The following NRXN1 variants were observed in gnomAD, a reference collection of about 807,000 sequenced individuals.
NRXN1 encodes neurexin-1.
NRXN1 carries 39 observed loss-of-function variants against 150.9 expected under a neutral mutation model. The observed-to-expected ratio is 0.26, with a 90% confidence interval of 0.20 to 0.34. The LOEUF is 0.34. Ranked by LOEUF, NRXN1 falls within the 10% of genes least tolerant of loss-of-function variation. The probability of loss-of-function intolerance (pLI) is 1.00; values close to 1 mark genes in which losing one functional copy is unlikely to be tolerated. For synonymous variants in NRXN1, 924 were observed against 757.0 expected (o/e 1.22, Z -3.62); for missense variants, 1,815 against 1,949.9 (o/e 0.93, Z 1.30).
At chr2:50,986,002 G>A (rs1697640425) in intron 2 of NRXN1, among the ~76,000 whole-genome samples, 2 of 151,536 alleles carry the variant, frequency 1.3e-5, no homozygotes, top group Non-Finnish European at 3.0e-5. Flanking sequence ...ATGAACAAAA[G>A]TGACCAATAA....
Position 50,753,514 on chromosome 2 carries a change from G to A in NRXN1, c.833-129899C>T, listed in dbSNP as rs539578307. 1.8e-4 allele frequency among the ~76,000 whole-genome samples: 28 copies of A among 151,950 alleles called. 1 individual carries two copies. In the South Asian group the frequency reaches 5.4e-3, roughly 29 times the overall value. Reference sequence around the variant, plus strand: ...ATGCACGGTTGATTTTCAGTATGGAGTCTGGCAGGAAAACCTCAGGGACTC... The same window carrying A: ...ATGCACGGTTGATTTTCAGTATGGAATCTGGCAGGAAAACCTCAGGGACTC... On this transcript the variant is annotated intron_variant, in intron 5 of 22. Transcript: ENST00000401669.
At chr2:50,199,458 G>A (rs2062004429) in intron 18 of NRXN1, among the ~76,000 whole-genome samples, 1 of 151,732 alleles carries the variant, frequency 6.6e-6, no homozygotes, top group South Asian at 2.1e-4. Flanking sequence ...GTTTACACAA[G>A]AAACTAAAAC....
At chr2:49,984,051 C>T (rs1377471244) in intron 21 of NRXN1, among the ~76,000 whole-genome samples, 3 of 151,950 alleles carry the variant, frequency 2.0e-5, no homozygotes, top group African/African-American at 7.3e-5. Context: ...CCTGTAGTCT[C>T]AGCTACTCAG....
intron 17 of NRXN1, among the ~76,000 whole-genome samples, chr2:50,439,284 G>A (rs1435976312): frequency 6.6e-6 from 1 of 152,186 alleles, no homozygotes; most frequent in Non-Finnish European, 1.5e-5. Flanking sequence ...GTCACATACA[G>A]TAAGCATAAG....
At chr2:50,538,186 GT>G in intron 10 of NRXN1, 66 bp downstream of exon 10, 1 of 1,542,314 alleles carries the variant, frequency 6.5e-7, no homozygotes, top group Non-Finnish European at 8.8e-7. Context: ...GTCAGTGCAG[GT>G]TTGAGGTCAA....
chr2:50,701,653 T>C (rs1022894726), intron 5 of NRXN1, among the ~76,000 whole-genome samples: 14 of 152,162 alleles, frequency 9.2e-5, no homozygotes, highest in African/African-American at 3.4e-4. Flanking sequence ...ATCTTAGAAT[T>C]CATTTAATCT....
At chr2:50,017,805 A>G (rs974428277) in intron 21 of NRXN1, among the ~76,000 whole-genome samples, 8 of 152,126 alleles carry the variant, frequency 5.3e-5, no homozygotes, top group Admixed American at 3.3e-4. Context: ...AATGATAGGA[A>G]CTACATTTTA....
intron 8 of NRXN1, among the ~76,000 whole-genome samples, chr2:50,566,775 A>T (rs1256355283): frequency 6.6e-6 from 1 of 152,144 alleles, no homozygotes; most frequent in African/African-American, 2.4e-5. Context: ...ATCTAGCTTG[A>T]TTCCAAAATC....
In NRXN1 at chr2:50,961,963, TTAAAAAAAAAAGA is replaced by T. The variant is rs1693264880; in HGVS notation, c.773-36021_773-36009del. Among the ~76,000 whole-genome samples, 16 of 105,092 alleles carry T rather than the reference TTAAAAAAAAAAGA, an allele frequency of 1.5e-4. 1 individual carries two copies. In the Admixed American group the frequency reaches 1.5e-3, roughly 10 times the overall value. The allele number at this position is 105,092 out of a possible 152,430, so 68.9% of individuals were successfully genotyped here. On this transcript the variant is annotated intron_variant, in intron 2 of 22. Coordinates refer to ENST00000401669, the MANE Select transcript of NRXN1 (RefSeq NM_001330078.2). ...ATAATTTCTGGACTAGGCCTGCTAG[TTAAAAAAAAAAGA>T]AGAAGAAAAATTTAAATAAAAAACT...
intron 17 of NRXN1, among the ~76,000 whole-genome samples, chr2:50,439,533 G>A (rs1197618738): frequency 3.9e-5 from 6 of 152,126 alleles, no homozygotes; most frequent in African/African-American, 7.2e-5. Context: ...AAGGCCGGGC[G>A]CGGTGGCTCA....
chr2:49,962,390 T>C (rs1480836835), intron 21 of NRXN1, among the ~76,000 whole-genome samples: 1 of 152,236 alleles, frequency 6.6e-6, no homozygotes, highest in Non-Finnish European at 1.5e-5. Context: ...AATGACTCTG[T>C]AAAAGTTTTG....
intron 18 of NRXN1, among the ~76,000 whole-genome samples, chr2:50,169,614 G>A (rs1255241209): frequency 6.6e-6 from 1 of 151,326 alleles, no homozygotes; most frequent in African/African-American, 2.4e-5. Flanking sequence ...TCGGGAGGCT[G>A]AGGAAGGAGA....
intron 18 of NRXN1, among the ~76,000 whole-genome samples, chr2:50,133,114 G>C (rs1482053130): frequency 2.6e-5 from 4 of 152,196 alleles, no homozygotes; most frequent in Non-Finnish European, 4.4e-5. Context: ...TAATTTAGTA[G>C]TCAGGTGTCA....
Position 50,495,267 on chromosome 2 carries a change from G to T in NRXN1, c.3070+638C>A, listed in dbSNP as rs144011015. Among the ~76,000 whole-genome samples the T allele has an allele frequency of 5.5e-3, 835 of 152,042 alleles. 9 individuals are homozygous for T. Among genetic ancestry groups the T allele is most frequent in the African/African-American group, 0.019 (791 of 41,460 alleles). ...ATGTTTTCTCAGCATTTTGTCACGTGCATTTGAGAAATGAAGTATCAATAA... is the reference window on the plus strand; with the variant it reads ...ATGTTTTCTCAGCATTTTGTCACGTTCATTTGAGAAATGAAGTATCAATAA... On this transcript the variant is annotated intron_variant, in intron 15 of 22. Transcript: ENST00000401669.
At position 50,545,001 on chromosome 2, in the gene NRXN1, G is replaced by A. The variant is rs149214736; in HGVS notation, c.1760-6365C>T. Among the ~76,000 whole-genome samples, 965 of 152,212 alleles carry A rather than the reference G, an allele frequency of 6.3e-3. 5 individuals are homozygous for A. Among genetic ancestry groups the A allele is most frequent in the African/African-American group, 0.022 (893 of 41,534 alleles). On this transcript the variant is annotated intron_variant, in intron 9 of 22. Coordinates refer to ENST00000401669, the MANE Select transcript of NRXN1 (RefSeq NM_001330078.2). The stretch of plus-strand genomic sequence containing the variant: ...CTATAATCTTGACTATAGAAAAAAG[G>A]CTGTATAAGTATTTTATGTGTGTGA...
intron 3 of NRXN1, chr2:50,923,421 G>A (rs961600004): frequency 3.2e-6 from 1 of 315,390 alleles, no homozygotes; most frequent in Non-Finnish European, 6.7e-6. Context: ...TTAGTGTAAA[G>A]ATACATATTA....
intron 17 of NRXN1, among the ~76,000 whole-genome samples, chr2:50,323,482 G>A (rs2076181343): frequency 6.6e-6 from 1 of 151,832 alleles, no homozygotes; most frequent in Non-Finnish European, 1.5e-5. Flanking sequence ...ACATATTTCT[G>A]AATGAAAGAA....
At chr2:50,659,179 G>T (rs1686930453) in intron 5 of NRXN1, among the ~76,000 whole-genome samples, 1 of 152,030 alleles carries the variant, frequency 6.6e-6, no homozygotes, top group Non-Finnish European at 1.5e-5. Context: ...ATGACACATT[G>T]CCTCAAGGTT....
chr2:50,725,597 T>C (rs534733065), intron 5 of NRXN1, among the ~76,000 whole-genome samples: 1 of 152,276 alleles, frequency 6.6e-6, no homozygotes, highest in South Asian at 2.1e-4. Flanking sequence ...AAGGGGCAAA[T>C]GCATTTTTAA....
Sources: allele counts gnomAD v4.1 joint callset (sites outside exome capture counted in the v4.1 genomes callset), GRCh38; gene constraint gnomAD v4.1.1; transcripts MANE v1.5; gene names NCBI Gene and HGNC (gene_info 2026-07-23, HGNC 2026-07-21).